Variants in CDK14 observed in about 807,000 individuals in gnomAD.
The protein encoded by CDK14 is cyclin-dependent kinase 14.
A neutral mutation model predicts 60.7 loss-of-function variants in CDK14; 34 were observed. The observed-to-expected ratio is 0.56, with a 90% CI of 0.43 to 0.75. CDK14 has a LOEUF of 0.75. Among genes scored for constraint, CDK14 ranks in the 30% least tolerant of loss-of-function variants. The pLI is 0.00. For missense variants in CDK14, 482 were observed against 564.1 expected, an observed-to-expected ratio of 0.85 and a Z score of 1.47; for synonymous variants, 197 against 203.7, an observed-to-expected ratio of 0.97 and a Z score of 0.28.
At chr7:90,747,569 AAC>A (rs1803645443) in intron 3 of CDK14, 110 bp from the exon 4 acceptor site, 8 of 649,110 alleles carry the variant, frequency 1.2e-5, no homozygotes, top group Admixed American at 9.4e-5. Context: ...TGCCAGAAAA[AAC>A]AGTTATTTAA....
chr7:90,824,872 A>G (rs1789669591), intron 5 of CDK14: 2 of 152,220 alleles, frequency 1.3e-5, no homozygotes, highest in African/African-American at 4.8e-5. Context: ...ATAAAAATAG[A>G]CAATATAACT....
chr7:90,630,870 T>C (rs982877513), intron 2 of CDK14, among the ~76,000 whole-genome samples: 5 of 123,940 alleles, frequency 4.0e-5, no homozygotes, highest in African/African-American at 1.5e-4. Flanking sequence ...CTCTGAGTAT[T>C]TACATCTTGG....
chr7:91,107,288 C>A (rs952834435), intron 12 of CDK14: 1 of 152,140 alleles, frequency 6.6e-6, no homozygotes, highest in African/African-American at 2.4e-5. Context: ...TTTTAAATAA[C>A]CCTATTGAGT....
intron 4 of CDK14, among the ~76,000 whole-genome samples, chr7:90,752,099 A>G (rs1803869047): frequency 6.6e-6 from 1 of 152,194 alleles, no homozygotes; most frequent in Non-Finnish European, 1.5e-5. Flanking sequence ...ACGCACTGAC[A>G]GCATTAGACA....
At chr7:91,046,821 A>G (rs1797251933) in intron 11 of CDK14, among the ~76,000 whole-genome samples, 1 of 152,156 alleles carries the variant, frequency 6.6e-6, no homozygotes, top group South Asian at 2.1e-4. Flanking sequence ...TATGAATAAT[A>G]TCTGTTAGAG....
chr7:91,118,126 G>A lies in CDK14; in HGVS notation c.1356G>A (p.Arg452=), dbSNP rs781548966. Residue 452 remains arginine, a synonymous_variant, in exon 14 of 15, where the codon CGG becomes CGA. Transcript: ENST00000380050. ...RLQPEAGESM[R]AFGKNNSYGK... ...AACCAGAAGCTGGAGAAAGCATGCG[G>A]GCCTTTGGGAAAAACAATAGTTATG... The A allele has an allele frequency of 6.2e-7, 1 of 1,613,608 alleles. No homozygotes were observed. The highest frequency in any genetic ancestry group is 1.7e-5 in the Admixed American group (1 of 59,972).
chr7:90,708,285 T>C (rs1214717279), intron 2 of CDK14, among the ~76,000 whole-genome samples: 1 of 152,166 alleles, frequency 6.6e-6, no homozygotes, highest in African/African-American at 2.4e-5. Flanking sequence ...GATTAAATCT[T>C]GAATGACTCA....
At chr7:90,621,924 C>A (rs752173061) in intron 2 of CDK14, among the ~76,000 whole-genome samples, 1 of 152,208 alleles carries the variant, frequency 6.6e-6, no homozygotes, top group Non-Finnish European at 1.5e-5. Flanking sequence ...ACGGCCCTCA[C>A]GCCAGTTTAA....
At chr7:90,740,527 G>T (rs116758875) in intron 3 of CDK14, among the ~76,000 whole-genome samples, 1 of 152,048 alleles carries the variant, frequency 6.6e-6, no homozygotes, top group Non-Finnish European at 1.5e-5. Flanking sequence ...CAGAGGGAAG[G>T]CCATGTGAGG....
At chr7:90,722,082 A>C (rs901109206) in intron 2 of CDK14, among the ~76,000 whole-genome samples, 4 of 151,774 alleles carry the variant, frequency 2.6e-5, no homozygotes, top group Non-Finnish European at 5.9e-5. Context: ...TTATTCTAAG[A>C]GCTCTCCTAC....
In CDK14 at chr7:91,049,043, A is replaced by ATT. The variant is rs35843929; in HGVS notation, c.1105+3093_1105+3094dup. Among the ~76,000 whole-genome samples the ATT allele has an allele frequency of 7.8e-4, 115 of 148,176 alleles. No homozygotes were observed. The Middle Eastern group carries it at 0.014, about 18-fold the overall frequency. ...ATAGGTGATGCCACTATGTCTGGCT[A>ATT]TTTTTTTTTTTAATATTTTGTAGAG... On this transcript the variant is annotated intron_variant, in intron 11 of 14. Transcript: ENST00000380050.
chr7:91,017,729 A>G (rs566794801), intron 10 of CDK14, among the ~76,000 whole-genome samples: 2 of 152,350 alleles, frequency 1.3e-5, no homozygotes, highest in East Asian at 1.9e-4. Context: ...CTGCCTTCAC[A>G]TAACTCTTTT....
intron 7 of CDK14, among the ~76,000 whole-genome samples, chr7:90,901,534 A>G (rs1438622772): frequency 1.3e-5 from 2 of 152,218 alleles, no homozygotes; most frequent in East Asian, 3.9e-4. Context: ...AACTAGTGAA[A>G]TCTTTGATTT....
intron 3 of CDK14, among the ~76,000 whole-genome samples, chr7:90,732,085 C>A (rs1802889221): frequency 6.6e-6 from 1 of 152,124 alleles, no homozygotes; most frequent in African/African-American, 2.4e-5. Flanking sequence ...CTTTCTGCAT[C>A]TTTTGAGATA....
chr7:90,734,440 G>A (rs1326924994), intron 3 of CDK14, among the ~76,000 whole-genome samples: 1 of 152,152 alleles, frequency 6.6e-6, no homozygotes, highest in Admixed American at 6.5e-5. Context: ...TCACTTTCAG[G>A]TACATCAGTC....
At chr7:90,951,887 A>G (rs1189039563) in intron 8 of CDK14, among the ~76,000 whole-genome samples, 1 of 152,184 alleles carries the variant, frequency 6.6e-6, no homozygotes, top group Non-Finnish European at 1.5e-5. Context: ...TCTGAAGCCC[A>G]AAGACAAGTA....
chr7:91,015,113 T>A (rs1562869059), intron 10 of CDK14, among the ~76,000 whole-genome samples: 1 of 152,126 alleles, frequency 6.6e-6, no homozygotes, highest in Non-Finnish European at 1.5e-5. Flanking sequence ...TTTTTGCTAA[T>A]TTTTTTTCTG....
intron 14 of CDK14, among the ~76,000 whole-genome samples, chr7:91,132,651 A>G (rs528858283): frequency 6.6e-5 from 10 of 152,300 alleles, no homozygotes; most frequent in African/African-American, 9.6e-5. Flanking sequence ...TAAAGAAAAT[A>G]AACAAGATTC....
At chr7:90,979,828 AATG>A (rs569545745) in intron 9 of CDK14, 1 of 152,334 alleles carries the variant, frequency 6.6e-6, no homozygotes, top group South Asian at 2.1e-4. Context: ...TTTGTCAGAT[AATG>A]ATAAATGTCA....
Sources: gnomAD v4.1 joint callset for allele counts (sites outside exome capture counted in the v4.1 genomes callset) on GRCh38, gnomAD v4.1.1 for gene constraint, MANE v1.5 for transcripts, NCBI Gene and HGNC (gene_info 2026-07-23, HGNC 2026-07-21) for gene names.